Variants in STAT2 observed in about 807,000 individuals in gnomAD.
STAT2 encodes signal transducer and activator of transcription 2, also known as interferon alpha induced transcriptional activator.
STAT2 carries 51 observed loss-of-function variants against 122.3 expected under a neutral mutation model. The ratio of observed to expected loss-of-function variants is 0.42; its 90% CI spans 0.33 to 0.53. The LOEUF is 0.53. Ranked by LOEUF, STAT2 falls within the 20% of genes least tolerant of loss-of-function variation. The pLI, the probability that STAT2 is intolerant of heterozygous loss-of-function variation, is 0.10. For missense variants in STAT2, 736 were observed against 1,010.3 expected (o/e 0.73, Z 3.68); for synonymous variants, 351 against 394.9 (o/e 0.89, Z 1.32).
chr12:56,356,401 A>G (rs766892170), intron 2 of STAT2, 40 bp downstream of exon 2: 4 of 1,610,738 alleles, frequency 2.5e-6, no homozygotes, highest in Non-Finnish European at 1.7e-6. Context: ...AGAAGTAAGG[A>G]ACCACCTTTT....
rs2136031620 is a variant in STAT2 at position 56,343,402 on chromosome 12, G to A, written c.2543C>T (p.Pro848Leu). 1 of 1,613,696 alleles carries A rather than the reference G, an allele frequency of 6.2e-7. No individual in the cohort carries two copies. Among genetic ancestry groups the A allele is most frequent in the South Asian group, 1.1e-5 (1 of 91,072 alleles). The change falls in exon 24 of 24, where the codon CCT becomes CTT. Residue 848 changes from proline to leucine, a missense_variant. Physicochemically the swap from Pro to Leu is moderately conservative, Grantham distance 98. Coordinates refer to ENST00000314128, the MANE Select transcript of STAT2 (RefSeq NM_005419.4). ...GAAATGTGGTTCCTAGAAGTCAGAA[G>A]GCATCAAGGGTCCATCAGTGTAGAA... Reference protein sequence around the residue: ...SHFYTDGPLMPSDF With the variant: ...SHFYTDGPLMLSDF
At chr12:56,350,916 A>G in intron 10 of STAT2, 28 bp from the exon 11 acceptor site, 1 of 1,613,832 alleles carries the variant, frequency 6.2e-7, no homozygotes, top group Non-Finnish European at 8.5e-7. Flanking sequence ...GATAGGGGAA[A>G]GTGGTCAACC....
Position 56,354,841 on chromosome 12 carries a change from G to A in STAT2, c.570C>T (p.Pro190=). Residue 190 remains proline, a synonymous_variant, in exon 7 of 24, where the codon CCC becomes CCT. Transcript: ENST00000314128. ...GAATCTTCTGCTCTTTGGTCTGATG[G>A]GGGTCCAGAGAGGGTGTCTTCCCTG... The part of the protein sequence containing the change: ...QAKGKTPSLD[P]HQTKEQKILQ... 1 of 1,614,068 alleles carries A rather than the reference G, an allele frequency of 6.2e-7. No homozygotes were observed. The highest frequency in any genetic ancestry group is 1.3e-5 in the African/African-American group (1 of 74,984).
Position 56,343,534 on chromosome 12 carries a change from A to G in STAT2, c.2414-3T>C. The G allele has an allele frequency of 6.2e-7, 1 of 1,612,804 alleles. No individual in the cohort carries two copies. The highest frequency in any genetic ancestry group is 1.1e-5 in the South Asian group (1 of 90,984). On this transcript the variant is annotated splice_polypyrimidine_tract_variant and splice_region_variant and intron_variant, in intron 23 of 23. Coordinates refer to ENST00000314128, the MANE Select transcript of STAT2 (RefSeq NM_005419.4). ...AATCTTTACACAGTTTCTGAAGACTAGGTAATCCAGAGAGAAAAGTGAGGC... is the reference window on the plus strand; with the variant it reads ...AATCTTTACACAGTTTCTGAAGACTGGGTAATCCAGAGAGAAAAGTGAGGC...
intron 22 of STAT2, among the ~76,000 whole-genome samples, chr12:56,344,572 C>T (rs187139181): frequency 3.3e-5 from 5 of 152,128 alleles, no homozygotes; most frequent in Admixed American, 2.6e-4. Flanking sequence ...TAGTGCCTGG[C>T]GCATAATAAA....
intron 6 of STAT2, 80 bp downstream of exon 6, chr12:56,355,196 G>C: frequency 6.5e-7 from 1 of 1,529,550 alleles, no homozygotes; most frequent in South Asian, 1.1e-5. Context: ...ACTGCTCATC[G>C]GAGCTTTCTC....
intron 22 of STAT2, among the ~76,000 whole-genome samples, chr12:56,345,320 T>C (rs1021692153): frequency 2.0e-5 from 3 of 147,040 alleles, no homozygotes; most frequent in Non-Finnish European, 4.5e-5. Context: ...TGATACCCCA[T>C]CCCTACAAAA....
At chr12:56,348,849 GTCCT>G in intron 17 of STAT2, 45 bp from the exon 18 acceptor site, 1 of 1,614,182 alleles carries the variant, frequency 6.2e-7, no homozygotes. Flanking sequence ...GAAGCCAGGG[GTCCT>G]GGGATAGATA....
intron 22 of STAT2, among the ~76,000 whole-genome samples, chr12:56,345,889 G>A (rs2136041050): frequency 6.6e-6 from 1 of 152,046 alleles, no homozygotes; most frequent in Admixed American, 6.6e-5. Flanking sequence ...ACCTAAGGAT[G>A]GCAGCAGAAA....
At chr12:56,353,301 AT>A (rs113821505) in intron 8 of STAT2, among the ~76,000 whole-genome samples, 35 of 146,854 alleles carry the variant, frequency 2.4e-4, no homozygotes, top group East Asian at 5.9e-4. Flanking sequence ...TAAAAAACAA[AT>A]TTTTTTTTTT....
Position 56,360,076 on chromosome 12 carries a change from C to T in STAT2, c.-26G>A, listed in dbSNP as rs1880152955. Reference sequence around the variant, plus strand: ...CCCGTACCTGATTAGGGTTGCAGTCCCCGCGCCCTCCAATGGCTCTGGTCG... The same window carrying T: ...CCCGTACCTGATTAGGGTTGCAGTCTCCGCGCCCTCCAATGGCTCTGGTCG... On this transcript the variant is annotated 5_prime_UTR_variant, in exon 1 of 24. Transcript: ENST00000314128. 3.0e-6 allele frequency: 3 copies of T among 985,396 alleles called. No homozygotes were observed. The highest frequency in any genetic ancestry group is 1.2e-6 in the Non-Finnish European group (1 of 829,946). The allele number at this position is 985,396 out of a possible 1,614,324, so 61.0% of individuals were successfully genotyped here.
intron 8 of STAT2, 102 bp from the exon 9 acceptor site, chr12:56,351,552 C>A: frequency 8.0e-7 from 1 of 1,252,248 alleles, no homozygotes. Flanking sequence ...CAGAAACTGA[C>A]TGGGGGGAAG....
In STAT2 at chr12:56,348,801, T is replaced by C; in HGVS notation, c.1580A>G (p.Gln527Arg). 1 of 1,614,188 alleles carries C rather than the reference T, an allele frequency of 6.2e-7. No homozygotes were observed. Among genetic ancestry groups the C allele is most frequent in the Non-Finnish European group, 8.5e-7 (1 of 1,180,034 alleles). ...LSMLRNKLFG[Q>R]NCRTEDPLLS... Reference sequence around the variant, plus strand: ...TAATGGATCCTCAGTCCTACAGTTCTGCCCTGTGGGACAGATAGCCACAGA... The same window carrying C: ...TAATGGATCCTCAGTCCTACAGTTCCGCCCTGTGGGACAGATAGCCACAGA... The change falls in exon 18 of 24, where the codon CAG (glutamine) becomes CGG (arginine). Residue 527 changes from glutamine (Q) to arginine (R), a missense_variant. Physicochemically the swap from Gln to Arg is conservative, Grantham distance 43. Coordinates refer to ENST00000314128, the MANE Select transcript of STAT2 (RefSeq NM_005419.4).
rs754643796 is a variant in STAT2 at position 56,349,072 on chromosome 12, G to C, written c.1441-13C>G. ...AGAACTGCTGGTTCTGCAGGGGTGG[G>C]AGCAGTGTAGGCTGGCTCAGAAGCA... On this transcript the variant is annotated splice_polypyrimidine_tract_variant and intron_variant, in intron 16 of 23. Coordinates refer to ENST00000314128, the MANE Select transcript of STAT2 (RefSeq NM_005419.4). 1.2e-6 allele frequency: 2 copies of C among 1,613,208 alleles called. No individual in the cohort carries two copies. Among genetic ancestry groups the C allele is most frequent in the South Asian group, 1.1e-5 (1 of 91,010 alleles).
chr12:56,348,434 GCT>G, intron 19 of STAT2, 93 bp downstream of exon 19: 2 of 1,310,044 alleles, frequency 1.5e-6, no homozygotes, highest in East Asian at 2.3e-5. Context: ...ACCTGTCTTT[GCT>G]CTCTCTCCCT....
chr12:56,348,188 C>T (rs529699466), intron 19 of STAT2, among the ~76,000 whole-genome samples: 5 of 149,284 alleles, frequency 3.3e-5, no homozygotes, highest in African/African-American at 7.4e-5. Flanking sequence ...CCCAGGTTCA[C>T]GCCATTTTCC....
chr12:56,356,540 T>A lies in STAT2; in HGVS notation c.32A>T (p.Asp11Val). The A allele has an allele frequency of 6.2e-7, 1 of 1,614,214 alleles. No individual in the cohort carries two copies. The highest frequency in any genetic ancestry group is 8.5e-7 in the Non-Finnish European group (1 of 1,180,040). The change falls in exon 2 of 24, where the codon GAC (aspartate) becomes GTC (valine). Residue 11 changes from aspartate to valine, a missense_variant. Coordinates refer to ENST00000314128, the MANE Select transcript of STAT2 (RefSeq NM_005419.4). Reference sequence around the variant, plus strand: ...GTGCAGCTGATCCTGAAAGGGGCTGTCAAGATTCTGCAGCATTTCCCACTG... The same window carrying A: ...GTGCAGCTGATCCTGAAAGGGGCTGACAAGATTCTGCAGCATTTCCCACTG... MAQWEMLQNLDSPFQDQLHQL... is the reference protein window; with the variant it reads MAQWEMLQNLVSPFQDQLHQL...
In STAT2 at chr12:56,354,405, G is replaced by T; in HGVS notation, c.782+61C>A. 4.3e-6 allele frequency: 7 copies of T among 1,609,348 alleles called. No individual in the cohort carries two copies. The South Asian group carries it at 7.7e-5, about 18-fold the overall frequency. On this transcript the variant is annotated intron_variant, in intron 8 of 23. Coordinates refer to ENST00000314128, the MANE Select transcript of STAT2 (RefSeq NM_005419.4). Reference sequence around the variant, plus strand: ...AACAGTATCTCTTGCTATATGCAGGGCACTGCAACTTACAAATCACAGCGC... The same window carrying T: ...AACAGTATCTCTTGCTATATGCAGGTCACTGCAACTTACAAATCACAGCGC...
chr12:56,353,142 C>T (rs947377466), intron 8 of STAT2, among the ~76,000 whole-genome samples: 2 of 152,172 alleles, frequency 1.3e-5, no homozygotes, highest in Admixed American at 1.3e-4. Flanking sequence ...CGCCACCACA[C>T]CTGGCAAATT....
Sources: gnomAD v4.1 joint callset for allele counts (sites outside exome capture counted in the v4.1 genomes callset) on GRCh38, gnomAD v4.1.1 for gene constraint, MANE v1.5 for transcripts, NCBI Gene and HGNC (gene_info 2026-07-23, HGNC 2026-07-21) for gene names.